ANKRD49: variants seen among roughly 807,000 people sequenced by gnomAD.
ANKRD49 encodes the protein ankyrin repeat domain 49.
In ANKRD49, 18 loss-of-function variants were observed where a neutral mutation model predicts 19.6. That is an observed-to-expected ratio of 0.92 (90% CI 0.63 to 1.36). The LOEUF (loss-of-function observed/expected upper bound fraction) is 1.36, where lower values mean the gene tolerates loss of function less well. Among genes scored for constraint, ANKRD49 ranks in the 40% most tolerant of loss-of-function variants. The pLI is 0.00. For missense variants in ANKRD49, 218 were observed against 281.6 expected, an observed-to-expected ratio of 0.77 and a Z score of 1.62; for synonymous variants, 88 against 101.8, an observed-to-expected ratio of 0.86 and a Z score of 0.82.
chr11:94,496,550 T>C (rs1383046534), intron 1 of ANKRD49, 54 bp from the exon 2 acceptor site: 1 of 747,292 alleles, frequency 1.3e-6, no homozygotes, highest in Non-Finnish European at 2.1e-6. Flanking sequence ...ATCTATGCAG[T>C]TGATAAAGCC....
Position 94,496,601 on chromosome 11 carries a change from C to G in ANKRD49, c.-90-3C>G. 1 of 1,181,024 alleles carries G rather than the reference C, an allele frequency of 8.5e-7. No homozygotes were observed. Among genetic ancestry groups the G allele is most frequent in the Non-Finnish European group, 1.2e-6 (1 of 849,474 alleles). The allele number at this position is 1,181,024 out of a possible 1,614,324, so 73.2% of individuals were successfully genotyped here. ...CTAATAACTTTTGTATTTGTGTTTT[C>G]AGATCTTGATGAACAAAGCAGTCAT... On this transcript the variant is annotated splice_polypyrimidine_tract_variant and splice_region_variant and intron_variant, in intron 1 of 2. Transcript: ENST00000544612.
intron 1 of ANKRD49, among the ~76,000 whole-genome samples, chr11:94,496,286 T>G (rs950916847): frequency 6.6e-6 from 1 of 152,202 alleles, no homozygotes; most frequent in East Asian, 1.9e-4. Flanking sequence ...CTTCATTGTA[T>G]TAGTTATACT....
Position 94,498,340 on chromosome 11 carries a change from C to T in ANKRD49, c.528C>T (p.Thr176=), listed in dbSNP as rs774153654. 18 of 1,613,608 alleles carry T rather than the reference C, an allele frequency of 1.1e-5. No homozygotes were observed. Among genetic ancestry groups the T allele is most frequent in the East Asian group, 1.1e-4 (5 of 44,898 alleles). Residue 176 remains threonine, a synonymous_variant, in exon 3 of 3, where the codon ACC becomes ACT. Transcript: ENST00000544612. ...ATGCCCAAACAAAAGGCCTCTTGACCCCCTTGCATCTTGCTGCTGGGAACA... is the reference window on the plus strand; with the variant it reads ...ATGCCCAAACAAAAGGCCTCTTGACTCCCTTGCATCTTGCTGCTGGGAACA... ...DINAQTKGLL[T]PLHLAAGNRD... is the part of the protein sequence containing the mutation.
chr11:94,496,661 T>C lies in ANKRD49; in HGVS notation c.-33T>C. The C allele has an allele frequency of 1.3e-6, 2 of 1,517,728 alleles. No homozygotes were observed. The highest frequency in any genetic ancestry group is 1.8e-4 in the Middle Eastern group (1 of 5,704). The allele number at this position is 1,517,728 out of a possible 1,614,324, so 94.0% of individuals were successfully genotyped here. Reference sequence around the variant, plus strand: ...CTAGAAAGATTTATATCCTGGCATTTGAAATGCTTTTTATTTAGAATAGTA... The same window carrying C: ...CTAGAAAGATTTATATCCTGGCATTCGAAATGCTTTTTATTTAGAATAGTA... On this transcript the variant is annotated 5_prime_UTR_variant, in exon 2 of 3. Transcript: ENST00000544612.
chr11:94,495,232 C>CA (rs1947396924), intron 1 of ANKRD49, among the ~76,000 whole-genome samples: 1 of 152,148 alleles, frequency 6.6e-6, no homozygotes, highest in Non-Finnish European at 1.5e-5. Flanking sequence ...ATCAAGAAAT[C>CA]AGTATCTTGG....
intron 2 of ANKRD49, chr11:94,497,355 T>C (rs1039939051): frequency 9.9e-6 from 3 of 302,950 alleles, no homozygotes; most frequent in Non-Finnish European, 1.8e-5. Context: ...TCAGGAATAT[T>C]AATTTGCCCA....
intron 2 of ANKRD49, 110 bp downstream of exon 2, chr11:94,497,061 G>C: frequency 7.0e-7 from 1 of 1,420,400 alleles, no homozygotes; most frequent in Non-Finnish European, 9.8e-7. Flanking sequence ...TTGATTGTGA[G>C]GACCAAATGA....
chr11:94,496,920 G>A lies in ANKRD49; in HGVS notation c.227G>A (p.Arg76Lys). Residue 76 changes from arginine to lysine, a missense_variant, in exon 2 of 3, where the codon AGA becomes AAA. Transcript: ENST00000544612. ...AAAAAAATGGAAAAAGACCCAAGCAGATTGCTTCTTTGGGCTGCTGAAAAA... is the reference window on the plus strand; with the variant it reads ...AAAAAAATGGAAAAAGACCCAAGCAAATTGCTTCTTTGGGCTGCTGAAAAA... The part of the protein sequence containing the change: ...QEKKMEKDPS[R>K]LLLWAAEKNR... 3.1e-6 allele frequency: 5 copies of A among 1,613,466 alleles called. No homozygotes were observed. Among genetic ancestry groups the A allele is most frequent in the Non-Finnish European group, 4.2e-6 (5 of 1,179,898 alleles).
Position 94,498,647 on chromosome 11 carries a change from T to C in ANKRD49, c.*115T>C. 1 of 889,880 alleles carries C rather than the reference T, an allele frequency of 1.1e-6. No homozygotes were observed. The highest frequency in any genetic ancestry group is 1.7e-6 in the Non-Finnish European group (1 of 577,932). The allele number at this position is 889,880 out of a possible 1,614,324, so 55.1% of individuals were successfully genotyped here. On this transcript the variant is annotated 3_prime_UTR_variant, in exon 3 of 3. Coordinates refer to ENST00000544612, the MANE Select transcript of ANKRD49 (RefSeq NM_017704.3). Reference sequence around the variant, plus strand: ...TACTACAAAAATTCAGTGACATTCATTATAACATTCTTCCAAGTGAATTGC... The same window carrying C: ...TACTACAAAAATTCAGTGACATTCACTATAACATTCTTCCAAGTGAATTGC...
At chr11:94,494,803 G>A (rs757291324) in intron 1 of ANKRD49, among the ~76,000 whole-genome samples, 1 of 152,188 alleles carries the variant, frequency 6.6e-6, no homozygotes, top group African/African-American at 2.4e-5. Flanking sequence ...TGTTGGGGGA[G>A]AGGGTAAGAT....
In ANKRD49 at chr11:94,498,789, G is replaced by C. The variant is rs1947454066; in HGVS notation, c.*257G>C. ...TTAATGTGTGTATACTTAAAAACTT[G>C]ACACGGGTTGTACAGAAACTGGTAT... On this transcript the variant is annotated 3_prime_UTR_variant, in exon 3 of 3. Coordinates refer to ENST00000544612, the MANE Select transcript of ANKRD49 (RefSeq NM_017704.3). 2.3e-6 allele frequency: 1 copy of C among 441,640 alleles called. No individual in the cohort carries two copies. The highest frequency in any genetic ancestry group is 3.1e-5 in the South Asian group (1 of 32,540). 27.4% of individuals were successfully genotyped at this position (441,640 alleles called of 1,614,324 possible).
At position 94,498,289 on chromosome 11, in the gene ANKRD49, C is replaced by G; in HGVS notation, c.477C>G (p.Phe159Leu). Residue 159 changes from phenylalanine (F) to leucine (L), a missense_variant, in exon 3 of 3, where the codon TTC (phenylalanine) becomes TTG (leucine). Transcript: ENST00000544612. ...CKWNNTRVASFLLQHDADINA... is the reference protein window; with the variant it reads ...CKWNNTRVASLLLQHDADINA... ...GGAATAATACCAGAGTGGCTTCTTT[C>G]TTACTGCAGCATGATGCAGATATCA... 2 of 1,612,572 alleles carry G rather than the reference C, an allele frequency of 1.2e-6. No homozygotes were observed. Among genetic ancestry groups the G allele is most frequent in the Non-Finnish European group, 1.7e-6 (2 of 1,179,604 alleles).
chr11:94,497,899 C>T lies in ANKRD49; in HGVS notation c.259-172C>T, dbSNP rs374051055. The T allele has an allele frequency of 1.3e-3, 734 of 575,588 alleles. 8 individuals are homozygous for T. In the South Asian group the frequency reaches 0.017, roughly 13 times the overall value. 35.7% of individuals were successfully genotyped at this position (575,588 alleles called of 1,614,324 possible). On this transcript the variant is annotated intron_variant, in intron 2 of 2. Transcript: ENST00000544612. ...AACACTAACTTGTTCATTCTTAAATCAGTAGTCCTCTCCTCCCCAAAAAGA... is the reference window on the plus strand; with the variant it reads ...AACACTAACTTGTTCATTCTTAAATTAGTAGTCCTCTCCTCCCCAAAAAGA...
chr11:94,496,136 G>A (rs981777881), intron 1 of ANKRD49, among the ~76,000 whole-genome samples: 3 of 152,136 alleles, frequency 2.0e-5, no homozygotes, highest in Admixed American at 6.5e-5. Context: ...ATGACAGATT[G>A]GAACAGATGT....
chr11:94,496,147 C>T (rs1263365560), intron 1 of ANKRD49, among the ~76,000 whole-genome samples: 1 of 152,076 alleles, frequency 6.6e-6, no homozygotes, highest in Admixed American at 6.6e-5. Context: ...GAACAGATGT[C>T]CTTTTGGGGG....
intron 1 of ANKRD49, among the ~76,000 whole-genome samples, chr11:94,495,679 T>C (rs1947408377): frequency 6.6e-6 from 1 of 152,196 alleles, no homozygotes; most frequent in African/African-American, 2.4e-5. Context: ...AAAATTAATA[T>C]GGCAGCTTAG....
At position 94,496,649 on chromosome 11, in the gene ANKRD49, T is replaced by C. The variant is rs1208617208; in HGVS notation, c.-45T>C. 2 of 1,484,342 alleles carry C rather than the reference T, an allele frequency of 1.3e-6. No individual in the cohort carries two copies. The highest frequency in any genetic ancestry group is 1.8e-6 in the Non-Finnish European group (2 of 1,110,192). The allele number at this position is 1,484,342 out of a possible 1,614,324, so 91.9% of individuals were successfully genotyped here. On this transcript the variant is annotated 5_prime_UTR_variant, in exon 2 of 3. Coordinates refer to ENST00000544612, the MANE Select transcript of ANKRD49 (RefSeq NM_017704.3). ...CATAATTCATCTCTAGAAAGATTTA[T>C]ATCCTGGCATTTGAAATGCTTTTTA...
At chr11:94,497,044 C>T in intron 2 of ANKRD49, 93 bp downstream of exon 2, 1 of 1,525,126 alleles carries the variant, frequency 6.6e-7, no homozygotes, top group Non-Finnish European at 9.0e-7. Flanking sequence ...GCCATCATAC[C>T]TATCTCTTGA....
chr11:94,495,637 GT>G (rs1269953467), intron 1 of ANKRD49, among the ~76,000 whole-genome samples: 1 of 152,176 alleles, frequency 6.6e-6, no homozygotes, highest in Admixed American at 6.5e-5. Flanking sequence ...AGGTTTATAT[GT>G]TGTGTAACCC....
Sources: gnomAD v4.1 joint callset for allele counts (sites outside exome capture counted in the v4.1 genomes callset) on GRCh38, gnomAD v4.1.1 for gene constraint, MANE v1.5 for transcripts, NCBI Gene and HGNC (gene_info 2026-07-23, HGNC 2026-07-21) for gene names.